Variants in CUX1 observed in about 807,000 individuals in gnomAD.
CUX1 encodes the protein protein CASP.
In CUX1, 31 loss-of-function variants were observed where a neutral mutation model predicts 158.8. The observed-to-expected ratio is 0.20, with a 90% CI of 0.15 to 0.26. The LOEUF (loss-of-function observed/expected upper bound fraction) is 0.26. Among genes scored for constraint, CUX1 ranks in the 10% least tolerant of loss-of-function variants. The pLI is 1.00. For missense variants in CUX1, 1,589 were observed against 2,014.6 expected, an observed-to-expected ratio of 0.79 and a Z score of 4.04; for synonymous variants, 879 against 862.1, an observed-to-expected ratio of 1.02 and a Z score of -0.34.
rs573926732 is a variant in CUX1, at chr7:101,817,729, C to T, written c.30+60C>T. On this transcript the variant is annotated intron_variant, in intron 1 of 23. Transcript: ENST00000292535. This position sits in a 1 kb window ranked among gnomAD's most constrained non-coding sequence, Gnocchi z 4.1. ...CAGGCGCGGAGGGAACCGGGGATGT[C>T]GGGGGGTGCCCGGGTCCCGCGGCTT... 4 of 1,538,906 alleles carry T rather than the reference C, an allele frequency of 2.6e-6. No homozygotes were observed. Among genetic ancestry groups the T allele is most frequent in the African/African-American group, 1.4e-5 (1 of 72,734 alleles).
chr7:102,282,626 T>C, intron 21 of CUX1: 1 of 1,449,604 alleles, frequency 6.9e-7, no homozygotes. Flanking sequence ...AACCTTTATG[T>C]TCCAGGCCAG....
chr7:101,998,526 T>G (rs1816261320), intron 2 of CUX1, among the ~76,000 whole-genome samples: 1 of 152,182 alleles, frequency 6.6e-6, no homozygotes, highest in Non-Finnish European at 1.5e-5. Flanking sequence ...AGGGCATCTG[T>G]CGTCTTCGTC....
intron 22 of CUX1, among the ~76,000 whole-genome samples, chr7:102,235,681 G>A (rs1180647073): frequency 6.7e-5 from 10 of 149,578 alleles, no homozygotes; most frequent in African/African-American, 2.2e-4. Context: ...CAGCCTGGGC[G>A]GCACAGCGAG....
chr7:102,174,886 G>T (rs888321437), intron 10 of CUX1, among the ~76,000 whole-genome samples: 1 of 152,164 alleles, frequency 6.6e-6, no homozygotes, highest in African/African-American at 2.4e-5. Context: ...GGAGGGGGAG[G>T]TTGCAGTGAG....
At chr7:102,161,897 C>T (rs902202798) in intron 9 of CUX1, among the ~76,000 whole-genome samples, 2 of 152,102 alleles carry the variant, frequency 1.3e-5, no homozygotes, top group East Asian at 3.9e-4. Context: ...CAAGAGCCAC[C>T]GCGCCCAGCC....
At chr7:102,147,842 T>C (rs1004346940) in intron 8 of CUX1, among the ~76,000 whole-genome samples, 1 of 151,532 alleles carries the variant, frequency 6.6e-6, no homozygotes, top group South Asian at 2.1e-4. Context: ...ACTAAAAAAA[T>C]AGAAAAATTA....
chr7:101,969,556 A>G (rs1811678054), intron 2 of CUX1, among the ~76,000 whole-genome samples: 1 of 152,128 alleles, frequency 6.6e-6, no homozygotes, highest in Non-Finnish European at 1.5e-5. Flanking sequence ...TCAGCCCTGC[A>G]CTTTCAGCCT....
intron 8 of CUX1, 89 bp from the exon 9 acceptor site, chr7:102,158,471 C>A: frequency 7.3e-7 from 1 of 1,373,742 alleles, no homozygotes; most frequent in Non-Finnish European, 1.0e-6. Flanking sequence ...CAGCCCTTCC[C>A]GAGCCCTGAG....
intron 4 of CUX1, among the ~76,000 whole-genome samples, chr7:102,084,934 C>A (rs894705474): frequency 2.3e-5 from 3 of 131,822 alleles, no homozygotes; most frequent in African/African-American, 8.9e-5. Flanking sequence ...AAGCAGACAT[C>A]CTTGCCTTGG....
chr7:102,068,344 C>T lies in CUX1; in HGVS notation c.190-1995C>T, dbSNP rs111248452. Among the ~76,000 whole-genome samples the T allele has an allele frequency of 4.0e-4, 61 of 152,110 alleles. 1 individual carries two copies. Among genetic ancestry groups the T allele is most frequent in the African/African-American group, 1.3e-3 (54 of 41,490 alleles). ...TTTGCCCAGGCTGGTCTTGAACTCC[C>T]GGGCTCAAGCCATCCTCCTGTCTCT... On this transcript the variant is annotated intron_variant, in intron 3 of 23. Transcript: ENST00000292535.
chr7:102,081,354 C>T (rs782088738), intron 4 of CUX1, among the ~76,000 whole-genome samples: 1 of 119,796 alleles, frequency 8.3e-6, no homozygotes, highest in Non-Finnish European at 2.1e-5. Context: ...CCAAATCTCA[C>T]CTCAAATTGT....
chr7:102,186,360 G>A (rs1793616867), intron 11 of CUX1, among the ~76,000 whole-genome samples: 2 of 152,080 alleles, frequency 1.3e-5, no homozygotes, highest in Non-Finnish European at 2.9e-5. Flanking sequence ...AAACGTCATA[G>A]AAGGTTTACA....
At chr7:102,215,733 A>G (rs1255407145) in intron 20 of CUX1, among the ~76,000 whole-genome samples, 2 of 152,160 alleles carry the variant, frequency 1.3e-5, no homozygotes, top group Non-Finnish European at 2.9e-5. Context: ...TCACCTGGGC[A>G]TTGAGTGGAA....
chr7:101,912,722 G>A (rs1481944659), intron 1 of CUX1, among the ~76,000 whole-genome samples: 1 of 152,200 alleles, frequency 6.6e-6, no homozygotes, highest in Non-Finnish European at 1.5e-5. Context: ...TGGCTTGGAT[G>A]TATCTGATGA....
chr7:102,227,216 A>T, intron 20 of CUX1, 151 bp from the exon 21 acceptor site: 1 of 689,496 alleles, frequency 1.5e-6, no homozygotes, highest in Non-Finnish European at 2.5e-6. Context: ...AGTCAAAAAA[A>T]TATGAAACAG....
At chr7:102,197,472 A>C (rs969245397) in intron 15 of CUX1, among the ~76,000 whole-genome samples, 167 bp downstream of exon 15, 1 of 152,238 alleles carries the variant, frequency 6.6e-6, no homozygotes, top group African/African-American at 2.4e-5. Flanking sequence ...GTGGCCCGGC[A>C]TGAGTTAAGG....
intron 11 of CUX1, among the ~76,000 whole-genome samples, chr7:102,181,995 A>T (rs1439381372): frequency 1.3e-5 from 2 of 152,142 alleles, no homozygotes; most frequent in African/African-American, 2.4e-5. Flanking sequence ...TACTCAAAGA[A>T]CTCACCTTTA....
At chr7:102,105,214 C>CACAA (rs1390218740) in intron 6 of CUX1, among the ~76,000 whole-genome samples, 7 of 149,688 alleles carry the variant, frequency 4.7e-5, no homozygotes, top group Admixed American at 4.7e-4. Context: ...CACACACACA[C>CACAA]AGACTCTCTG....
intron 2 of CUX1, among the ~76,000 whole-genome samples, chr7:101,993,719 C>T (rs747211278): frequency 6.6e-6 from 1 of 152,218 alleles, no homozygotes. Context: ...CTGCCTTTTC[C>T]TCTCCCTAAC....
Sources: allele counts gnomAD v4.1 joint callset (sites outside exome capture counted in the v4.1 genomes callset), GRCh38; gene constraint gnomAD v4.1.1; non-coding constraint Gnocchi (gnomAD v3.1); transcripts MANE v1.5; gene names NCBI Gene and HGNC (gene_info 2026-07-23, HGNC 2026-07-21).